The following CFAP221 variants were observed in gnomAD, a reference collection of about 807,000 sequenced individuals.
CFAP221 encodes the protein cilia- and flagella-associated protein 221.
In CFAP221, 97 loss-of-function variants were observed where a neutral mutation model predicts 113.1. The ratio of observed to expected loss-of-function variants is 0.86; its 90% CI spans 0.73 to 1.02. The LOEUF (loss-of-function observed/expected upper bound fraction) is 1.02. Among genes scored for constraint, CFAP221 ranks in the 50% least tolerant of loss-of-function variants. The pLI is 0.00. For synonymous variants in CFAP221, 331 were observed against 354.4 expected, an observed-to-expected ratio of 0.93 and a Z score of 0.74; for missense variants, 1,025 against 1,013.4, an observed-to-expected ratio of 1.01 and a Z score of -0.16.
At chr2:119,625,318 T>C (rs547144483) in intron 14 of CFAP221, among the ~76,000 whole-genome samples, 2 of 152,264 alleles carry the variant, frequency 1.3e-5, no homozygotes, top group South Asian at 4.1e-4. Flanking sequence ...ACTGGAAATA[T>C]GAGAAAATCA....
chr2:119,591,568 T>A (rs147202940), intron 7 of CFAP221, among the ~76,000 whole-genome samples: 47 of 152,380 alleles, frequency 3.1e-4, no homozygotes, highest in Admixed American at 5.9e-4. Context: ...TCTATAACCC[T>A]GTCCAAGAGG....
chr2:119,642,101 C>T (rs1419249751), intron 21 of CFAP221, among the ~76,000 whole-genome samples: 1 of 152,172 alleles, frequency 6.6e-6, no homozygotes, highest in Non-Finnish European at 1.5e-5. Flanking sequence ...TTAAAGAAAA[C>T]TCTCGAACCA....
At position 119,623,697 on chromosome 2, in the gene CFAP221, C is replaced by T. The variant is rs138084336; in HGVS notation, c.1411-1886C>T. ...ATAAACCAATGGAACAGAACAGAAGCCTCAGAAATTATGCCACACATCTAC... is the reference window on the plus strand; with the variant it reads ...ATAAACCAATGGAACAGAACAGAAGTCTCAGAAATTATGCCACACATCTAC... On this transcript the variant is annotated intron_variant, in intron 14 of 23. Transcript: ENST00000413369. Among the ~76,000 whole-genome samples, 717 of 152,188 alleles carry T rather than the reference C, an allele frequency of 4.7e-3. 6 individuals carry two copies. Among genetic ancestry groups the T allele is most frequent in the African/African-American group, 0.017 (689 of 41,514 alleles).
At chr2:119,610,430 C>T (rs1437254499) in intron 12 of CFAP221, among the ~76,000 whole-genome samples, 1 of 152,046 alleles carries the variant, frequency 6.6e-6, no homozygotes, top group African/African-American at 2.4e-5. Context: ...TGGCACAGCC[C>T]TCAAGGATGA....
intron 19 of CFAP221, among the ~76,000 whole-genome samples, chr2:119,637,473 G>A (rs566116838): frequency 1.3e-5 from 2 of 152,274 alleles, no homozygotes; most frequent in East Asian, 3.9e-4. Context: ...TTTGTGGGGC[G>A]TTTTTAACTT....
rs755113026 is a variant in CFAP221, at chr2:119,605,188, C to A, written c.1032C>A (p.Asp344Glu). The A allele has an allele frequency of 2.5e-6, 4 of 1,613,684 alleles. No homozygotes were observed. The South Asian group carries it at 4.4e-5, about 18-fold the overall frequency. Residue 344 changes from aspartate (D) to glutamate (E), a missense_variant, in exon 11 of 24, where the codon GAC becomes GAA. By Grantham distance (45) the Asp-to-Glu change is conservative (BLOSUM62 2). Transcript: ENST00000413369. ...GTCTGCTCCTGCCTTCAGTTTTGGA[C>A]CAGGGCACTGAAATTTCAAAAACGA... ...LKIKELREVLDQGTEISKTRQ... is the reference protein window; with the variant it reads ...LKIKELREVLEQGTEISKTRQ...
At position 119,587,155 on chromosome 2, in the gene CFAP221, T is replaced by C. The variant is rs1451279690; in HGVS notation, c.564T>C (p.Pro188=). Residue 188 remains proline (P), a synonymous_variant, in exon 7 of 24, where the codon CCT becomes CCC. Transcript: ENST00000413369. ...TTATTCCTTTGCAGTGCAGCTGCCCTGTAGATTTTGAGTTTTATATCACCT... is the reference window on the plus strand; with the variant it reads ...TTATTCCTTTGCAGTGCAGCTGCCCCGTAGATTTTGAGTTTTATATCACCT... ...TYVIPLQCSC[P]VDFEFYITLI... The C allele has an allele frequency of 6.5e-7, 1 of 1,532,780 alleles. No homozygotes were observed. Among genetic ancestry groups the C allele is most frequent in the Non-Finnish European group, 8.7e-7 (1 of 1,145,214 alleles). The allele number at this position is 1,532,780 out of a possible 1,614,324, so 94.9% of individuals were successfully genotyped here.
At chr2:119,659,100 C>T (rs1295721869), downstream of CFAP221, among the ~76,000 whole-genome samples, 1 of 151,926 alleles carries the variant, frequency 6.6e-6, no homozygotes, top group Non-Finnish European at 1.5e-5. Context: ...TTAATTGTAA[C>T]TTCTTTCCCC....
chr2:119,617,886 C>T (rs186484253), intron 14 of CFAP221, among the ~76,000 whole-genome samples: 1 of 152,360 alleles, frequency 6.6e-6, no homozygotes, highest in African/African-American at 2.4e-5. Context: ...AAACATGTCT[C>T]CTTTGTTCCG....
intron 23 of CFAP221, among the ~76,000 whole-genome samples, chr2:119,653,009 T>C (rs991084946): frequency 2.0e-5 from 3 of 149,258 alleles, no homozygotes; most frequent in African/African-American, 7.3e-5. Flanking sequence ...ATGTATATGG[T>C]TTAAATATAC....
chr2:119,546,814 GC>G (rs1337304300), intron 2 of CFAP221, among the ~76,000 whole-genome samples: 1 of 152,112 alleles, frequency 6.6e-6, no homozygotes, highest in Non-Finnish European at 1.5e-5. Context: ...AGACCTTTTT[GC>G]CTTTTCATGT....
chr2:119,548,762 T>C (rs1057014467), intron 2 of CFAP221, among the ~76,000 whole-genome samples: 4 of 152,256 alleles, frequency 2.6e-5, no homozygotes, highest in African/African-American at 9.6e-5. Context: ...ACAGGCCATG[T>C]GCTCTTTATG....
Sources: allele counts gnomAD v4.1 joint callset (sites outside exome capture counted in the v4.1 genomes callset), GRCh38; gene constraint gnomAD v4.1.1; transcripts MANE v1.5; gene names NCBI Gene and HGNC (gene_info 2026-07-23, HGNC 2026-07-21).